Variants in PDSS2 observed in about 807,000 individuals in gnomAD.
PDSS2 encodes decaprenyl diphosphate synthase subunit 2.
Under a neutral mutation model 44.5 loss-of-function variants are expected in PDSS2, and 31 were observed. That is an observed-to-expected ratio of 0.70 (90% CI 0.52 to 0.94). The LOEUF (loss-of-function observed/expected upper bound fraction) is 0.94. Among genes scored for constraint, PDSS2 ranks in the 40% least tolerant of loss-of-function variants. The pLI is 0.00. For synonymous variants in PDSS2, 157 were observed against 180.3 expected (o/e 0.87, Z 1.03); for missense variants, 452 against 482.2 (o/e 0.94, Z 0.59).
intron 2 of PDSS2, among the ~76,000 whole-genome samples, chr6:107,299,851 T>G (rs565973659): frequency 6.6e-6 from 1 of 152,286 alleles, no homozygotes; most frequent in East Asian, 1.9e-4. Context: ...TGTTGGACCT[T>G]ACTTCACCCA....
chr6:107,165,461 G>A (rs1554247352), intron 7 of PDSS2, among the ~76,000 whole-genome samples: 1 of 152,212 alleles, frequency 6.6e-6, no homozygotes, highest in African/African-American at 2.4e-5. Flanking sequence ...GTTTGTCAAA[G>A]ATCAGATGGT....
intron 7 of PDSS2, among the ~76,000 whole-genome samples, chr6:107,180,995 C>A (rs958298929): frequency 1.7e-4 from 26 of 152,122 alleles, no homozygotes; most frequent in Admixed American, 1.7e-3. Context: ...CAGGCATGCA[C>A]CACCAAGCCC....
At chr6:107,389,241 G>C (rs1779707316) in intron 1 of PDSS2, among the ~76,000 whole-genome samples, 1 of 152,080 alleles carries the variant, frequency 6.6e-6, no homozygotes. Context: ...TAAAAAATCA[G>C]CCAACAAGTT....
intron 1 of PDSS2, among the ~76,000 whole-genome samples, chr6:107,343,246 A>G (rs1778135507): frequency 6.6e-6 from 1 of 152,212 alleles, no homozygotes; most frequent in African/African-American, 2.4e-5. Flanking sequence ...AATGCTTATG[A>G]CTGTGACCCC....
At chr6:107,320,305 A>C (rs543864599) in intron 2 of PDSS2, among the ~76,000 whole-genome samples, 2 of 152,306 alleles carry the variant, frequency 1.3e-5, no homozygotes, top group African/African-American at 4.8e-5. Context: ...AGTAATTATA[A>C]TAGAGTAATA....
chr6:107,313,495 G>T (rs1777109879), intron 2 of PDSS2, among the ~76,000 whole-genome samples: 1 of 151,944 alleles, frequency 6.6e-6, no homozygotes, highest in Non-Finnish European at 1.5e-5. Flanking sequence ...TGGGACTACA[G>T]GCATGAGCCA....
At chr6:107,271,804 C>G (rs1043784224) in intron 3 of PDSS2, among the ~76,000 whole-genome samples, 4 of 152,060 alleles carry the variant, frequency 2.6e-5, no homozygotes, top group African/African-American at 9.7e-5. Context: ...CCTGTAATCC[C>G]AGCACTTTGG....
chr6:107,448,279 G>A (rs1262110816), intron 1 of PDSS2, among the ~76,000 whole-genome samples: 2 of 152,172 alleles, frequency 1.3e-5, no homozygotes, highest in African/African-American at 4.8e-5. Context: ...CAGAAAATGA[G>A]TTTTTCTTTT....
chr6:107,333,239 GTTGATTGT>G (rs568448779), intron 2 of PDSS2, among the ~76,000 whole-genome samples: 123 of 152,268 alleles, frequency 8.1e-4, no homozygotes, highest in African/African-American at 2.9e-3. Flanking sequence ...AAGTCTACCT[GTTGATTGT>G]TACATCTATA....
intron 6 of PDSS2, among the ~76,000 whole-genome samples, chr6:107,201,028 T>C (rs894906639): frequency 2.1e-4 from 32 of 152,016 alleles, no homozygotes; most frequent in Non-Finnish European, 3.8e-4. Context: ...ATAAAATAAA[T>C]GGAATCTATA....
intron 1 of PDSS2, among the ~76,000 whole-genome samples, chr6:107,384,957 C>A (rs1004042556): frequency 6.6e-6 from 1 of 152,190 alleles, no homozygotes; most frequent in African/African-American, 2.4e-5. Context: ...TATCATAGTT[C>A]TACTTCCCTT....
intron 1 of PDSS2, among the ~76,000 whole-genome samples, chr6:107,448,770 A>G (rs2114844122): frequency 6.6e-6 from 1 of 152,336 alleles, no homozygotes; most frequent in Non-Finnish European, 1.5e-5. Flanking sequence ...GAGATGCCCC[A>G]GACTGGGTAA....
At chr6:107,209,925 A>T (rs1773137722) in intron 6 of PDSS2, among the ~76,000 whole-genome samples, 1 of 152,158 alleles carries the variant, frequency 6.6e-6, no homozygotes, top group African/African-American at 2.4e-5. Context: ...CAAAATGAGA[A>T]ATTCACCCAA....
intron 1 of PDSS2, among the ~76,000 whole-genome samples, chr6:107,355,311 T>G (rs778489022): frequency 6.6e-6 from 1 of 152,206 alleles, no homozygotes; most frequent in African/African-American, 2.4e-5. Flanking sequence ...AAAATGGGTA[T>G]GCATATTTTT....
In PDSS2 at chr6:107,153,633, A is replaced by C. The variant is rs1219367133; in HGVS notation, c.*986T>G. The C allele has an allele frequency of 1.3e-5, 2 of 152,670 alleles. No homozygotes were observed. The highest frequency in any genetic ancestry group is 2.9e-5 in the Non-Finnish European group (2 of 68,038). 9.5% of individuals were successfully genotyped at this position (152,670 alleles called of 1,614,324 possible). Reference sequence around the variant, plus strand: ...ATAAAAAAACTGATCTTCAGGAAAGAAAAACAGACTATTCCTAATATAACC... The same window carrying C: ...ATAAAAAAACTGATCTTCAGGAAAGCAAAACAGACTATTCCTAATATAACC... On this transcript the variant is annotated 3_prime_UTR_variant, in exon 8 of 8. Coordinates refer to ENST00000369037, the MANE Select transcript of PDSS2 (RefSeq NM_020381.4).
chr6:107,419,818 T>C (rs1411153284), intron 1 of PDSS2, among the ~76,000 whole-genome samples: 1 of 152,192 alleles, frequency 6.6e-6, no homozygotes, highest in African/African-American at 2.4e-5. Context: ...TAGCATCACC[T>C]CATATTCTTT....
In PDSS2 at chr6:107,153,599, T is replaced by C. The variant is rs1446091292; in HGVS notation, c.*1020A>G. On this transcript the variant is annotated 3_prime_UTR_variant, in exon 8 of 8. Transcript: ENST00000369037. ...AAAAAAAAAATTTGGTTCTTTGAAA[T>C]GTGTTTGAATAAAAAAACTGATCTT... 7.9e-5 allele frequency: 12 copies of C among 152,510 alleles called. No individual in the cohort carries two copies. The highest frequency in any genetic ancestry group is 1.2e-4 in the Non-Finnish European group (8 of 68,024). 9.4% of individuals were successfully genotyped at this position (152,510 alleles called of 1,614,324 possible). A position where few individuals can be genotyped will look rare whatever the true frequency, so the allele number is the denominator to read the frequency against.
At chr6:107,166,872 G>T (rs1554247622) in intron 7 of PDSS2, among the ~76,000 whole-genome samples, 1 of 152,120 alleles carries the variant, frequency 6.6e-6, no homozygotes, top group Admixed American at 6.6e-5. Flanking sequence ...TGCTGGATTT[G>T]GTTTGCCAGT....
At chr6:107,289,208 A>G (rs2115013013) in intron 2 of PDSS2, among the ~76,000 whole-genome samples, 1 of 151,516 alleles carries the variant, frequency 6.6e-6, no homozygotes, top group Middle Eastern at 3.4e-3. Context: ...CCCCATCTCT[A>G]CTAAAAATAC....
Sources: allele counts gnomAD v4.1 joint callset (sites outside exome capture counted in the v4.1 genomes callset), GRCh38; gene constraint gnomAD v4.1.1; transcripts MANE v1.5; gene names NCBI Gene and HGNC (gene_info 2026-07-23, HGNC 2026-07-21).